The following LINGO2 variants were observed in gnomAD, a reference collection of about 807,000 sequenced individuals.
The protein encoded by LINGO2 is leucine rich repeat and Ig domain containing 2.
LINGO2 carries 14 observed loss-of-function variants against 30.6 expected under a neutral mutation model. That is an observed-to-expected ratio of 0.46 (90% confidence interval 0.30 to 0.72). The LOEUF is 0.72. Ranked by LOEUF, LINGO2 falls within the 30% of genes least tolerant of loss-of-function variation. The pLI is 0.07. For synonymous variants in LINGO2, 317 were observed against 288.5 expected, an observed-to-expected ratio of 1.10 and a Z score of -1.00; for missense variants, 729 against 751.7, an observed-to-expected ratio of 0.97 and a Z score of 0.35.
chr9:28,798,558 T>C, the LINGO2 span, among the ~76,000 whole-genome samples: 1 of 152,064 alleles, frequency 6.6e-6, no homozygotes, highest in South Asian at 2.1e-4. Flanking sequence ...AAGGACGTAC[T>C]GATGGTTTGA....
chr9:27,960,554 C>T (rs893347072), intron 5 of LINGO2, among the ~76,000 whole-genome samples: 7 of 150,498 alleles, frequency 4.7e-5, no homozygotes, highest in African/African-American at 7.3e-5. Flanking sequence ...CAAAATGTGG[C>T]GTGACATTTT....
chr9:28,675,267 A>G (rs1829174607), upstream of LINGO2, among the ~76,000 whole-genome samples: 1 of 152,202 alleles, frequency 6.6e-6, no homozygotes, highest in Non-Finnish European at 1.5e-5. Flanking sequence ...TTCAAAACTG[A>G]ATGGCTTTGG....
At chr9:28,503,046 C>T (rs1819958059) in intron 1 of LINGO2, among the ~76,000 whole-genome samples, 1 of 152,056 alleles carries the variant, frequency 6.6e-6, no homozygotes, top group Non-Finnish European at 1.5e-5. Context: ...GCTTTCTTTG[C>T]TCTGCATCAG....
intron 5 of LINGO2, among the ~76,000 whole-genome samples, chr9:28,000,306 T>A (rs534413581): frequency 1.3e-5 from 2 of 152,200 alleles, no homozygotes; most frequent in African/African-American, 4.8e-5. Flanking sequence ...CTAGCTTTAC[T>A]GGGAAGACTT....
chr9:28,512,591 G>GTATATATATATATATATA (rs1262344382), intron 1 of LINGO2, among the ~76,000 whole-genome samples: 1 of 15,826 alleles, frequency 6.3e-5, no homozygotes, highest in African/African-American at 3.0e-4. Context: ...ATATATATGT[G>GTATATATATATATATATA]TGTATATATA....
chr9:28,668,749 T>A (rs548712702), intron 1 of LINGO2, among the ~76,000 whole-genome samples: 1 of 152,280 alleles, frequency 6.6e-6, no homozygotes, highest in African/African-American at 2.4e-5. Context: ...AGCAATTACA[T>A]TTCACTGTGT....
chr9:29,123,698 T>G, the LINGO2 span, among the ~76,000 whole-genome samples: 6 of 152,072 alleles, frequency 3.9e-5, no homozygotes, highest in Admixed American at 3.9e-4. Flanking sequence ...TATTTCATAT[T>G]TTATTCCACA....
intron 1 of LINGO2, among the ~76,000 whole-genome samples, chr9:28,523,218 T>C (rs1820891007): frequency 6.6e-6 from 1 of 151,788 alleles, no homozygotes; most frequent in African/African-American, 2.4e-5. Flanking sequence ...AAAATCCACA[T>C]GATCCTCTCA....
chr9:28,512,416 G>T (rs1820425605), intron 1 of LINGO2, among the ~76,000 whole-genome samples: 1 of 151,466 alleles, frequency 6.6e-6, no homozygotes, highest in Non-Finnish European at 1.5e-5. Context: ...ATCCCTATCT[G>T]CCACTGACAC....
chr9:28,156,963 T>A (rs945185743), intron 4 of LINGO2, among the ~76,000 whole-genome samples: 1 of 152,160 alleles, frequency 6.6e-6, no homozygotes, highest in Non-Finnish European at 1.5e-5. Flanking sequence ...TTGGCTGCCT[T>A]TGTGGGCTGG....
intron 1 of LINGO2, among the ~76,000 whole-genome samples, chr9:28,492,008 T>C (rs1826414280): frequency 1.3e-5 from 2 of 152,186 alleles, no homozygotes; most frequent in Admixed American, 6.6e-5. Context: ...AGGAGATAGA[T>C]CTTTCTAGTA....
At chr9:28,914,041 C>G in the LINGO2 span, among the ~76,000 whole-genome samples, 1 of 152,088 alleles carries the variant, frequency 6.6e-6, no homozygotes, top group Non-Finnish European at 1.5e-5. Context: ...ATTTATGCCA[C>G]TCTCACTTTC....
the LINGO2 span, among the ~76,000 whole-genome samples, chr9:28,748,891 TTATC>T: frequency 6.6e-6 from 1 of 152,044 alleles, no homozygotes; most frequent in African/African-American, 2.4e-5. Flanking sequence ...ATGCAAGTAA[TTATC>T]TAGCATGTGG....
rs552373256 is a variant in LINGO2, at chr9:28,027,031, C to A, written c.-86-14626G>T. Among the ~76,000 whole-genome samples the A allele has an allele frequency of 1.3e-4, 20 of 152,262 alleles. No individual in the cohort carries two copies. The South Asian group carries it at 3.7e-3, about 28-fold the overall frequency. On this transcript the variant is annotated intron_variant, in intron 4 of 5. Coordinates refer to ENST00000379992, the Ensembl canonical transcript of LINGO2. ...TGACAGGCTGCCAGCTGTATAGGGGCAAGCACCATGACATTCTCATTCACT... is the reference window on the plus strand; with the variant it reads ...TGACAGGCTGCCAGCTGTATAGGGGAAAGCACCATGACATTCTCATTCACT...
intron 1 of LINGO2, among the ~76,000 whole-genome samples, chr9:28,507,202 A>G (rs2135345035): frequency 7.5e-6 from 1 of 133,298 alleles, no homozygotes; most frequent in African/African-American, 3.0e-5. Context: ...ACCTTACTGC[A>G]TTTCAGAGGA....
Position 28,387,025 on chromosome 9 carries a change from G to C in LINGO2, c.-278-14157C>G, listed in dbSNP as rs573736222. ...CCCAATTTAACTAATATAGCATTGA[G>C]AGGTGAAGCCAGCTGGACTTCCTGG... On this transcript the variant is annotated intron_variant, in intron 2 of 5. Coordinates refer to ENST00000379992, the Ensembl canonical transcript of LINGO2. 6.2e-4 allele frequency among the ~76,000 whole-genome samples: 94 copies of C among 152,290 alleles called. 3 individuals are homozygous for C. The highest frequency in any genetic ancestry group is 6.8e-3 in the Middle Eastern group (2 of 294).
At chr9:28,747,860 G>A in the LINGO2 span, among the ~76,000 whole-genome samples, 1 of 152,090 alleles carries the variant, frequency 6.6e-6, no homozygotes. Context: ...TTAGAAGAAA[G>A]CAATCTGATG....
chr9:28,679,024 T>C, the LINGO2 span, among the ~76,000 whole-genome samples: 11,021 of 152,078 alleles, frequency 0.072, 570 homozygotes, highest in Admixed American at 0.19. Flanking sequence ...GGCAGTCGGC[T>C]TTGGAAGGTT....
the LINGO2 span, among the ~76,000 whole-genome samples, chr9:29,070,782 T>A: frequency 2.0e-5 from 3 of 151,908 alleles, no homozygotes; most frequent in Non-Finnish European, 2.9e-5. Flanking sequence ...TTTCCTTATT[T>A]TTTGTTCCTA....
Sources: gnomAD v4.1 joint callset for allele counts (sites outside exome capture counted in the v4.1 genomes callset) on GRCh38, gnomAD v4.1.1 for gene constraint, MANE v1.5 for transcripts, NCBI Gene and HGNC (gene_info 2026-07-23, HGNC 2026-07-21) for gene names.